The following TRPC6 variants were observed in gnomAD, a reference collection of about 807,000 sequenced individuals.
TRPC6 encodes short transient receptor potential channel 6.
In TRPC6, 55 loss-of-function variants were observed where a neutral mutation model predicts 90.7. The ratio of observed to expected loss-of-function variants is 0.61; its 90% CI spans 0.49 to 0.76. The LOEUF (loss-of-function observed/expected upper bound fraction) is 0.76. Ranked by LOEUF, TRPC6 falls within the 30% of genes least tolerant of loss-of-function variation. The pLI is 0.00. For missense variants in TRPC6, 989 were observed against 1,122.7 expected (o/e 0.88, Z 1.70); for synonymous variants, 393 against 393.0 (o/e 1.00, Z 0.00).
chr11:101,491,460 A>G (rs1227089174), intron 3 of TRPC6, 96 bp downstream of exon 3: 14 of 1,500,802 alleles, frequency 9.3e-6, no homozygotes, highest in Non-Finnish European at 1.2e-5. Context: ...AAAAGAAAAG[A>G]AAATCCCAGC....
At chr11:101,472,799 C>T (rs1859322719) in intron 7 of TRPC6, among the ~76,000 whole-genome samples, 1 of 152,022 alleles carries the variant, frequency 6.6e-6, no homozygotes, top group Non-Finnish European at 1.5e-5. Context: ...TGCTTTAGGC[C>T]TAATTATTGA....
chr11:101,494,050 C>T (rs1859887679), intron 2 of TRPC6, among the ~76,000 whole-genome samples: 1 of 152,152 alleles, frequency 6.6e-6, no homozygotes, highest in African/African-American at 2.4e-5. Context: ...GCTCAAACTA[C>T]TTATAAACAG....
At chr11:101,542,448 C>T (rs2136821951) in intron 1 of TRPC6, among the ~76,000 whole-genome samples, 1 of 152,218 alleles carries the variant, frequency 6.6e-6, no homozygotes, top group South Asian at 2.1e-4. Context: ...TGTGTAAATG[C>T]TGATTTCAGC....
At chr11:101,487,551 G>A (rs1418604638) in intron 4 of TRPC6, among the ~76,000 whole-genome samples, 5 of 151,566 alleles carry the variant, frequency 3.3e-5, no homozygotes, top group African/African-American at 7.3e-5. Context: ...ACTTTTCTAA[G>A]TCTCCAATGT....
chr11:101,541,542 T>A (rs1861174483), intron 1 of TRPC6, among the ~76,000 whole-genome samples: 1 of 152,100 alleles, frequency 6.6e-6, no homozygotes. Flanking sequence ...TTTGTATTTT[T>A]AGTACAGACA....
At chr11:101,497,107 T>C (rs1212764054) in intron 2 of TRPC6, among the ~76,000 whole-genome samples, 1 of 152,244 alleles carries the variant, frequency 6.6e-6, no homozygotes, top group Non-Finnish European at 1.5e-5. Flanking sequence ...GATTTGAATT[T>C]CTGCCCTGCC....
At chr11:101,526,767 G>A (rs1440114523) in intron 1 of TRPC6, among the ~76,000 whole-genome samples, 1 of 149,006 alleles carries the variant, frequency 6.7e-6, no homozygotes, top group African/African-American at 2.5e-5. Context: ...GGGAGGCTGA[G>A]GCAGGAGAAT....
intron 1 of TRPC6, among the ~76,000 whole-genome samples, chr11:101,514,604 T>A (rs1276594921): frequency 6.6e-6 from 1 of 152,218 alleles, no homozygotes; most frequent in Non-Finnish European, 1.5e-5. Context: ...ACTAAAGGTC[T>A]AGCACTCAGG....
At chr11:101,478,740 T>A (rs562367520) in intron 5 of TRPC6, among the ~76,000 whole-genome samples, 4 of 152,260 alleles carry the variant, frequency 2.6e-5, no homozygotes, top group Non-Finnish European at 4.4e-5. Flanking sequence ...GATAAGGTGC[T>A]TAACTAATTC....
intron 1 of TRPC6, among the ~76,000 whole-genome samples, chr11:101,579,517 C>T (rs1002709474): frequency 2.0e-5 from 3 of 152,124 alleles, no homozygotes; most frequent in Non-Finnish European, 2.9e-5. Flanking sequence ...ATATCTTTAG[C>T]AGGACTTGCT....
At position 101,472,298 on chromosome 11, in the gene TRPC6, T is replaced by C. The variant is rs1451821683; in HGVS notation, c.2044A>G (p.Ile682Val). ...GATTTCACTTCAGAAAGTCCAAATATAGCCCAGAACAGTGTCTTAAAACTC... is the reference window on the plus strand; with the variant it reads ...GATTTCACTTCAGAAAGTCCAAATACAGCCCAGAACAGTGTCTTAAAACTC... ...EESFKTLFWA[I>V]FGLSEVKSVV... Residue 682 changes from isoleucine to valine, a missense_variant, in exon 8 of 13, where the codon ATA (isoleucine) becomes GTA (valine). This residue lies in a region of TRPC6 where 118 missense variants were observed against 197.6 expected (regional missense o/e 0.60). Coordinates refer to ENST00000344327, the MANE Select transcript of TRPC6 (RefSeq NM_004621.6). The C allele has an allele frequency of 1.2e-6, 2 of 1,612,990 alleles. No individual in the cohort carries two copies. Among genetic ancestry groups the C allele is most frequent in the Non-Finnish European group, 1.7e-6 (2 of 1,179,488 alleles).
intron 1 of TRPC6, among the ~76,000 whole-genome samples, chr11:101,561,016 T>A (rs760697877): frequency 2.6e-5 from 4 of 152,200 alleles, no homozygotes; most frequent in Non-Finnish European, 5.9e-5. Context: ...ATTGCATGAA[T>A]ATTTTTGTTG....
intron 1 of TRPC6, among the ~76,000 whole-genome samples, chr11:101,548,047 G>A (rs1401004065): frequency 6.6e-6 from 1 of 151,884 alleles, no homozygotes; most frequent in Non-Finnish European, 1.5e-5. Context: ...GTTATTGAGA[G>A]TATGGAAGTC....
chr11:101,507,650 G>A (rs1455188170), intron 1 of TRPC6, among the ~76,000 whole-genome samples: 1 of 152,086 alleles, frequency 6.6e-6, no homozygotes, highest in Admixed American at 6.6e-5. Context: ...CAAGGTTGAG[G>A]ATAATTTTGG....
At position 101,583,845 on chromosome 11, in the gene TRPC6, C is replaced by T. The variant is rs202080799; in HGVS notation, c.-342G>A. 71 of 264,892 alleles carry T rather than the reference C, an allele frequency of 2.7e-4. No individual in the cohort carries two copies. Among genetic ancestry groups the T allele is most frequent in the African/African-American group, 1.1e-3 (52 of 45,510 alleles). The allele number at this position is 264,892 out of a possible 1,614,324, so 16.4% of individuals were successfully genotyped here. A position where few individuals can be genotyped will look rare whatever the true frequency, so the allele number is the denominator to read the frequency against. On this transcript the variant is annotated 5_prime_UTR_variant, in exon 1 of 13. Transcript: ENST00000344327. The stretch of plus-strand genomic sequence containing the variant: ...GCGTAAGAGCGGAGAGCAAGGGAGA[C>T]GGAGCTGAAGAGTTACTATGTCAAC...
At chr11:101,534,943 C>A (rs1430092377) in intron 1 of TRPC6, among the ~76,000 whole-genome samples, 1 of 152,104 alleles carries the variant, frequency 6.6e-6, no homozygotes, top group Non-Finnish European at 1.5e-5. Flanking sequence ...GAGCACATCA[C>A]CTGAGGTCAA....
intron 4 of TRPC6, among the ~76,000 whole-genome samples, chr11:101,488,431 T>C (rs1422074028): frequency 6.6e-6 from 1 of 152,242 alleles, no homozygotes; most frequent in Non-Finnish European, 1.5e-5. Context: ...TACATTAGTA[T>C]TTACATGACT....
intron 3 of TRPC6, 104 bp from the exon 4 acceptor site, chr11:101,489,205 G>GTT (rs1289167663): frequency 2.9e-6 from 3 of 1,048,856 alleles, no homozygotes; most frequent in Non-Finnish European, 4.3e-6. Flanking sequence ...GAAATACATT[G>GTT]TTAGAATTAA....
At chr11:101,559,635 C>CTTT (rs11286449) in intron 1 of TRPC6, among the ~76,000 whole-genome samples, 2 of 148,182 alleles carry the variant, frequency 1.3e-5, no homozygotes, top group African/African-American at 4.9e-5. Flanking sequence ...AATGTCTTTT[C>CTTT]TTTTTTTTTT....
Sources: allele counts gnomAD v4.1 joint callset (sites outside exome capture counted in the v4.1 genomes callset), GRCh38; gene constraint gnomAD v4.1.1; regional missense constraint gnomAD v4.1.1; transcripts MANE v1.5; gene names NCBI Gene and HGNC (gene_info 2026-07-23, HGNC 2026-07-21).